The following CDKAL1 variants were observed in gnomAD, a reference collection of about 807,000 sequenced individuals.
CDKAL1 encodes the protein CDKAL1 threonylcarbamoyladenosine tRNA methylthiotransferase.
Under a neutral mutation model 68.2 loss-of-function variants are expected in CDKAL1, and 32 were observed. That is an observed-to-expected ratio of 0.47 (90% CI 0.35 to 0.63). The LOEUF is 0.63. Ranked by LOEUF, CDKAL1 falls within the 30% of genes least tolerant of loss-of-function variation. CDKAL1 has a pLI of 0.00. For synonymous variants in CDKAL1, 234 were observed against 244.3 expected (o/e 0.96, Z 0.39); for missense variants, 606 against 696.7 (o/e 0.87, Z 1.47).
chr6:20,572,072 A>G (rs1007735832), intron 4 of CDKAL1, among the ~76,000 whole-genome samples: 1 of 152,172 alleles, frequency 6.6e-6, no homozygotes, highest in African/African-American at 2.4e-5. Context: ...TAGATCTAAA[A>G]TGATATTCTA....
chr6:20,566,963 ATTAC>A (rs1195625036), intron 4 of CDKAL1, among the ~76,000 whole-genome samples: 1 of 152,002 alleles, frequency 6.6e-6, no homozygotes, highest in Non-Finnish European at 1.5e-5. Flanking sequence ...GCTTCTCCTT[ATTAC>A]TTATTTGTGT....
At chr6:21,018,052 G>A (rs1768437063) in intron 11 of CDKAL1, among the ~76,000 whole-genome samples, 1 of 152,142 alleles carries the variant, frequency 6.6e-6, no homozygotes, top group Admixed American at 6.5e-5. Flanking sequence ...GCCATAAATT[G>A]ATTGCCAGCA....
chr6:20,960,466 T>G (rs1165342916), intron 10 of CDKAL1, among the ~76,000 whole-genome samples: 1 of 152,254 alleles, frequency 6.6e-6, no homozygotes, highest in African/African-American at 2.4e-5. Flanking sequence ...TGCTTCATAG[T>G]ACCCCTGTAC....
At chr6:21,160,698 T>A (rs1273226477) in intron 13 of CDKAL1, among the ~76,000 whole-genome samples, 2 of 145,270 alleles carry the variant, frequency 1.4e-5, no homozygotes, top group South Asian at 4.3e-4. Flanking sequence ...AAAATATATA[T>A]ATATGTATAT....
chr6:20,739,493 A>G, intron 5 of CDKAL1, 26 bp from the exon 6 acceptor site: 1 of 1,460,408 alleles, frequency 6.8e-7, no homozygotes, highest in Non-Finnish European at 9.6e-7. Context: ...AAAGGAATTC[A>G]CATTGTCTTC....
At chr6:20,818,518 T>C (rs953469392) in intron 8 of CDKAL1, among the ~76,000 whole-genome samples, 1 of 152,124 alleles carries the variant, frequency 6.6e-6, no homozygotes, top group Admixed American at 6.6e-5. Flanking sequence ...AAAATAAATA[T>C]AGTTCTATAT....
chr6:20,589,715 A>G (rs967131390), intron 4 of CDKAL1, among the ~76,000 whole-genome samples: 1 of 142,902 alleles, frequency 7.0e-6, no homozygotes, highest in Non-Finnish European at 1.5e-5. Context: ...TTCTCATATT[A>G]TTAGTTTTTC....
intron 8 of CDKAL1, among the ~76,000 whole-genome samples, chr6:20,829,051 A>G (rs935330408): frequency 6.6e-6 from 1 of 152,186 alleles, no homozygotes; most frequent in Admixed American, 6.5e-5. Flanking sequence ...TCCATTGTAC[A>G]TATATAGTAG....
chr6:20,865,554 A>C (rs1485166403), intron 9 of CDKAL1, among the ~76,000 whole-genome samples: 1 of 152,166 alleles, frequency 6.6e-6, no homozygotes, highest in African/African-American at 2.4e-5. Context: ...TATTTGTATT[A>C]GTAAACAAGA....
chr6:20,608,139 G>A (rs1419632286), intron 4 of CDKAL1, among the ~76,000 whole-genome samples: 1 of 152,096 alleles, frequency 6.6e-6, no homozygotes, highest in East Asian at 1.9e-4. Flanking sequence ...GAGGAAAGAA[G>A]TTTAGTGTCT....
intron 4 of CDKAL1, among the ~76,000 whole-genome samples, chr6:20,648,829 A>G (rs1205102467): frequency 6.6e-6 from 1 of 152,206 alleles, no homozygotes; most frequent in Non-Finnish European, 1.5e-5. Flanking sequence ...GGTGATAGGA[A>G]TAAAAGGCCC....
chr6:20,792,603 T>A (rs1393318623), intron 8 of CDKAL1, among the ~76,000 whole-genome samples: 1 of 152,332 alleles, frequency 6.6e-6, no homozygotes, highest in Non-Finnish European at 1.5e-5. Flanking sequence ...TATATAAGTT[T>A]ATGAGAACAA....
chr6:20,710,524 A>C (rs1771797888), intron 5 of CDKAL1, among the ~76,000 whole-genome samples: 1 of 152,208 alleles, frequency 6.6e-6, no homozygotes, highest in Admixed American at 6.5e-5. Context: ...CACATTTCTT[A>C]AAATGTATCC....
intron 5 of CDKAL1, among the ~76,000 whole-genome samples, chr6:20,657,588 T>C (rs759502504): frequency 2.0e-5 from 3 of 152,228 alleles, no homozygotes; most frequent in African/African-American, 4.8e-5. Flanking sequence ...TAAAGAAAGA[T>C]GACTCTAAGG....
intron 15 of CDKAL1, among the ~76,000 whole-genome samples, chr6:21,205,162 T>C (rs1488018304): frequency 2.0e-5 from 3 of 152,230 alleles, no homozygotes; most frequent in African/African-American, 7.2e-5. Context: ...TACTATTCCA[T>C]TGGATGTGGA....
chr6:21,028,875 T>C (rs1471595725), intron 11 of CDKAL1, among the ~76,000 whole-genome samples: 2 of 152,202 alleles, frequency 1.3e-5, no homozygotes, highest in Non-Finnish European at 2.9e-5. Context: ...ATGGAAATCA[T>C]ATTCCCTTCT....
At chr6:21,044,717 A>G (rs914639697) in intron 11 of CDKAL1, among the ~76,000 whole-genome samples, 1 of 152,216 alleles carries the variant, frequency 6.6e-6, no homozygotes, top group Non-Finnish European at 1.5e-5. Context: ...TTCTCTGTGC[A>G]AACACTTCAC....
At position 21,121,776 on chromosome 6, in the gene CDKAL1, T is replaced by G. The variant is rs140799847; in HGVS notation, c.1299+13313T>G. ...ATTTTGTCTATTTTGTTCAATGTTG[T>G]TTTTTTCCCCAACACCAAAGCAGTT... On this transcript the variant is annotated intron_variant, in intron 13 of 15. Transcript: ENST00000274695. Among the ~76,000 whole-genome samples, 1,445 of 152,330 alleles carry G rather than the reference T, an allele frequency of 9.5e-3. 15 individuals are homozygous for G. Among genetic ancestry groups the G allele is most frequent in the South Asian group, 0.043 (209 of 4,822 alleles).
chr6:21,146,639 A>G (rs1776181736), intron 13 of CDKAL1, among the ~76,000 whole-genome samples: 1 of 152,086 alleles, frequency 6.6e-6, no homozygotes. Flanking sequence ...TCACAAGGTC[A>G]GGAGATCGAG....
Sources: gnomAD v4.1 joint callset for allele counts (sites outside exome capture counted in the v4.1 genomes callset) on GRCh38, gnomAD v4.1.1 for gene constraint, MANE v1.5 for transcripts, NCBI Gene and HGNC (gene_info 2026-07-23, HGNC 2026-07-21) for gene names.